The following ART3 variants were observed in gnomAD, a reference collection of about 807,000 sequenced individuals.
ART3 encodes the protein ADP-ribosyltransferase 3 (inactive), also known as ecto-ADP-ribosyltransferase 3.
Under a neutral mutation model 48.5 loss-of-function variants are expected in ART3, and 49 were observed. The observed-to-expected ratio is 1.01, with a 90% CI of 0.80 to 1.28. ART3 has a LOEUF of 1.28. ART3 is among the 50% of genes most tolerant of loss of function. The pLI, the probability that ART3 is intolerant of heterozygous loss-of-function variation, is 0.00. For missense variants in ART3, 438 were observed against 454.3 expected, an observed-to-expected ratio of 0.96 and a Z score of 0.33; for synonymous variants, 145 against 157.2, an observed-to-expected ratio of 0.92 and a Z score of 0.58.
intron 1 of ART3, among the ~76,000 whole-genome samples, chr4:76,043,168 T>C (rs1423225851): frequency 1.3e-5 from 2 of 152,108 alleles, no homozygotes; most frequent in African/African-American, 2.4e-5. Flanking sequence ...GTATTTACAA[T>C]CCCTGAGCTA....
At chr4:76,017,898 C>G (rs1360938824) in intron 1 of ART3, among the ~76,000 whole-genome samples, 3 of 152,264 alleles carry the variant, frequency 2.0e-5, no homozygotes, top group Non-Finnish European at 4.4e-5. Context: ...CACAGATTAT[C>G]TTTCTGTGCC....
chr4:76,112,292 G>C, intron 11 of ART3, 94 bp from the exon 12 acceptor site: 1 of 1,427,812 alleles, frequency 7.0e-7, no homozygotes, highest in Non-Finnish European at 9.4e-7. Context: ...TTCAACTTTA[G>C]TGTCATTGTT....
At chr4:76,110,107 TTTA>T (rs1166520441) in intron 11 of ART3, among the ~76,000 whole-genome samples, 1 of 115,044 alleles carries the variant, frequency 8.7e-6, no homozygotes, top group Non-Finnish European at 1.7e-5. Context: ...GGGAAAAACA[TTTA>T]TTTTTTTTTT....
intron 2 of ART3, 64 bp from the exon 3 acceptor site, chr4:76,081,760 T>TGA (rs1722530217): frequency 2.0e-6 from 3 of 1,504,172 alleles, no homozygotes; most frequent in South Asian, 1.3e-5. Flanking sequence ...GGTAATAATG[T>TGA]GAGAGAAAAT....
intron 1 of ART3, among the ~76,000 whole-genome samples, chr4:76,025,826 A>G (rs1418354633): frequency 6.6e-6 from 1 of 152,156 alleles, no homozygotes; most frequent in African/African-American, 2.4e-5. Flanking sequence ...TTCAGATTTT[A>G]GTTATTATAT....
At chr4:76,072,292 A>T (rs1026200816), upstream of ART3, among the ~76,000 whole-genome samples, 9 of 152,226 alleles carry the variant, frequency 5.9e-5, no homozygotes, top group Admixed American at 2.6e-4. Context: ...TTTAGAACCC[A>T]CAAATGCTTT....
chr4:76,074,723 A>G lies in ART3; in HGVS notation c.-106A>G, dbSNP rs772982596. 1 of 152,198 alleles carries G rather than the reference A, an allele frequency of 6.6e-6. No homozygotes were observed. Among genetic ancestry groups the G allele is most frequent in the Non-Finnish European group, 1.5e-5 (1 of 68,042 alleles). 9.4% of individuals were successfully genotyped at this position (152,198 alleles called of 1,614,324 possible). ...CCTGTCTCAGCTCTCACTGTCAACA[A>G]CATCCCATCCTGAAGACTTGCTTAC... On this transcript the variant is annotated 5_prime_UTR_variant, in exon 1 of 12. Coordinates refer to ENST00000355810, the MANE Select transcript of ART3 (RefSeq NM_001130016.3).
At chr4:76,089,468 C>T (rs1724345577) in intron 3 of ART3, among the ~76,000 whole-genome samples, 1 of 152,172 alleles carries the variant, frequency 6.6e-6, no homozygotes, top group Non-Finnish European at 1.5e-5. Flanking sequence ...TCTTCCCCCT[C>T]TCCCTCTTCC....
At chr4:76,046,277 T>C (rs1735491636) in intron 1 of ART3, among the ~76,000 whole-genome samples, 1 of 151,980 alleles carries the variant, frequency 6.6e-6, no homozygotes, top group South Asian at 2.1e-4. Context: ...GAAGGCATCC[T>C]TGAGGTCCAG....
At chr4:76,074,071 C>T (rs1720609127), upstream of ART3, among the ~76,000 whole-genome samples, 1 of 152,082 alleles carries the variant, frequency 6.6e-6, no homozygotes, top group Non-Finnish European at 1.5e-5. Flanking sequence ...GTCAGTGAAC[C>T]CTAAGTGTTC....
chr4:76,014,721 T>G (rs1223819224), intron 1 of ART3, among the ~76,000 whole-genome samples: 1 of 151,244 alleles, frequency 6.6e-6, no homozygotes, highest in Non-Finnish European at 1.5e-5. Context: ...CCAAGCAAGT[T>G]AAACTCAAAA....
chr4:76,107,609 C>T, intron 10 of ART3, 152 bp from the exon 11 acceptor site: 1 of 472,452 alleles, frequency 2.1e-6, no homozygotes, highest in South Asian at 3.7e-5. Context: ...TTAAACCCTT[C>T]CCCTAACCCC....
intron 2 of ART3, among the ~76,000 whole-genome samples, chr4:76,080,267 T>C (rs1275567655): frequency 6.6e-6 from 1 of 152,160 alleles, no homozygotes; most frequent in Non-Finnish European, 1.5e-5. Context: ...ATAAAAACGA[T>C]ACAGACCGTA....
Position 76,099,165 on chromosome 4 carries a change from G to C in ART3, c.847+178G>C, listed in dbSNP as rs58078426. 1,714 of 591,580 alleles carry C rather than the reference G, an allele frequency of 2.9e-3. 22 individuals carry two copies. The highest frequency in any genetic ancestry group is 0.029 in the African/African-American group (1,561 of 54,228). 36.6% of individuals were successfully genotyped at this position (591,580 alleles called of 1,614,324 possible). The stretch of plus-strand genomic sequence containing the variant: ...AAAAATACAAAACTTAGCCAGGCAT[G>C]GTGGTGTGCACCTGTAGTCCCAGCT... On this transcript the variant is annotated intron_variant, in intron 5 of 11. Transcript: ENST00000355810.
intron 1 of ART3, among the ~76,000 whole-genome samples, chr4:76,028,684 A>G (rs1733625546): frequency 6.6e-6 from 1 of 152,210 alleles, no homozygotes; most frequent in Non-Finnish European, 1.5e-5. Context: ...TTTCACTCTG[A>G]GCTCTCAAAA....
chr4:76,063,425 C>A (rs904843385), intron 1 of ART3, among the ~76,000 whole-genome samples: 1 of 151,916 alleles, frequency 6.6e-6, no homozygotes, highest in Admixed American at 6.6e-5. Context: ...ATTCTCTGTA[C>A]CTTATACCAT....
intron 2 of ART3, among the ~76,000 whole-genome samples, chr4:76,080,604 G>T (rs1722244361): frequency 6.6e-6 from 1 of 152,104 alleles, no homozygotes; most frequent in African/African-American, 2.4e-5. Context: ...TCCGCCTTCT[G>T]GTTTCAAGCG....
At chr4:76,052,112 T>G (rs1018391206) in intron 1 of ART3, among the ~76,000 whole-genome samples, 1 of 151,970 alleles carries the variant, frequency 6.6e-6, no homozygotes, top group Non-Finnish European at 1.5e-5. Context: ...GGTTTCGCCA[T>G]GCTCACGCCT....
intron 3 of ART3, among the ~76,000 whole-genome samples, chr4:76,084,648 CCTT>C (rs1432964591): frequency 1.3e-5 from 2 of 152,276 alleles, no homozygotes; most frequent in East Asian, 1.9e-4. Flanking sequence ...TTAGTAAACT[CCTT>C]CTCCTGTCTT....
Sources: gnomAD v4.1 joint callset for allele counts (sites outside exome capture counted in the v4.1 genomes callset) on GRCh38, gnomAD v4.1.1 for gene constraint, MANE v1.5 for transcripts, NCBI Gene and HGNC (gene_info 2026-07-23, HGNC 2026-07-21) for gene names.